TDRD9: variants seen among roughly 807,000 people sequenced by gnomAD.
The protein encoded by TDRD9 is ATP-dependent RNA helicase TDRD9.
Under a neutral mutation model 172.6 loss-of-function variants are expected in TDRD9, and 124 were observed. The observed-to-expected ratio is 0.72, with a 90% CI of 0.62 to 0.83. TDRD9 has a LOEUF of 0.83. Ranked by LOEUF, TDRD9 falls within the 40% of genes least tolerant of loss-of-function variation. The pLI is 0.00. For synonymous variants in TDRD9, 619 were observed against 617.1 expected (o/e 1.00, Z -0.05); for missense variants, 1,479 against 1,714.1 (o/e 0.86, Z 2.42).
intron 34 of TDRD9, among the ~76,000 whole-genome samples, chr14:104,044,563 A>C (rs1054799273): frequency 6.6e-6 from 1 of 152,202 alleles, no homozygotes; most frequent in Non-Finnish European, 1.5e-5. Context: ...ATCACATTTT[A>C]ATTTTAAAAT....
At chr14:104,035,547 GT>G (rs1341794394) in intron 32 of TDRD9, among the ~76,000 whole-genome samples, 3 of 152,246 alleles carry the variant, frequency 2.0e-5, no homozygotes, top group African/African-American at 7.2e-5. Context: ...ATAGAGAGGA[GT>G]GTGTGATGCC....
chr14:103,992,591 C>T (rs554960874), intron 9 of TDRD9, among the ~76,000 whole-genome samples: 21 of 152,168 alleles, frequency 1.4e-4, no homozygotes, highest in African/African-American at 5.1e-4. Context: ...ACAGTGCTCA[C>T]GCCTGGAATC....
At chr14:103,989,709 G>A (rs928362660) in intron 8 of TDRD9, among the ~76,000 whole-genome samples, 7 of 152,202 alleles carry the variant, frequency 4.6e-5, no homozygotes, top group African/African-American at 1.7e-4. Context: ...TGTGTGGTTG[G>A]CATCCAGCAG....
intron 20 of TDRD9, among the ~76,000 whole-genome samples, chr14:104,012,511 T>C (rs1042537929): frequency 7.1e-6 from 1 of 139,912 alleles, no homozygotes; most frequent in African/African-American, 2.5e-5. Context: ...TTCTAAATCA[T>C]TGCTTTTTTT....
chr14:103,987,661 A>T (rs1004581035), intron 8 of TDRD9, among the ~76,000 whole-genome samples: 1 of 152,174 alleles, frequency 6.6e-6, no homozygotes, highest in African/African-American at 2.4e-5. Context: ...GGTTTGTTGC[A>T]TGCCTAGCAT....
intron 23 of TDRD9, 86 bp downstream of exon 23, chr14:104,018,278 GC>G: frequency 1.1e-6 from 1 of 886,140 alleles, no homozygotes; most frequent in Non-Finnish European, 1.7e-6. Context: ...AAAACGGAGT[GC>G]CCATGGAAAT....
intron 7 of TDRD9, among the ~76,000 whole-genome samples, chr14:103,976,406 T>G (rs939873577): frequency 6.6e-6 from 1 of 152,028 alleles, no homozygotes; most frequent in Non-Finnish European, 1.5e-5. Context: ...CCCAAATAGC[T>G]AGGACTACAG....
chr14:103,980,469 C>T lies in TDRD9; in HGVS notation c.1011+4916C>T, dbSNP rs186462990. On this transcript the variant is annotated intron_variant, in intron 7 of 35. Coordinates refer to ENST00000409874, the MANE Select transcript of TDRD9 (RefSeq NM_153046.3). This position sits in a 1 kb window ranked among gnomAD's most constrained non-coding sequence, Gnocchi z 4.5. ...TGCTATTATTTCTGCTTATCAGAGA[C>T]TTTTAGTACTTTCACTAACTTGCCA... Among the ~76,000 whole-genome samples, 2 of 152,242 alleles carry T rather than the reference C, an allele frequency of 1.3e-5. No individual in the cohort carries two copies. Among genetic ancestry groups the T allele is most frequent in the African/African-American group, 4.8e-5 (2 of 41,536 alleles).
chr14:103,955,725 C>G lies in TDRD9; in HGVS notation c.277C>G (p.Gln93Glu). 1 of 1,551,444 alleles carries G rather than the reference C, an allele frequency of 6.4e-7. No homozygotes were observed. Among genetic ancestry groups the G allele is most frequent in the East Asian group, 2.4e-5 (1 of 40,908 alleles). ...YINKYRQLEA[Q>E]ELDVCRSVQP... ...TAACAAATACAGACAGCTCGAAGCACAAGAGCTTGATGTGTGTCGCAGTGT... is the reference window on the plus strand; with the variant it reads ...TAACAAATACAGACAGCTCGAAGCAGAAGAGCTTGATGTGTGTCGCAGTGT... The change falls in exon 2 of 36, where the codon CAA becomes GAA. Residue 93 changes from glutamine to glutamate, a missense_variant. Gln to Glu is a conservative substitution (Grantham distance 29). Coordinates refer to ENST00000409874, the MANE Select transcript of TDRD9 (RefSeq NM_153046.3).
At chr14:104,003,595 C>T (rs78035796) in intron 13 of TDRD9, among the ~76,000 whole-genome samples, 2 of 152,192 alleles carry the variant, frequency 1.3e-5, no homozygotes, top group African/African-American at 4.8e-5. Flanking sequence ...CCTACCCCTC[C>T]CTTCACTCTC....
chr14:104,034,719 C>T (rs185450108), intron 31 of TDRD9, among the ~76,000 whole-genome samples: 80 of 152,244 alleles, frequency 5.3e-4, no homozygotes, highest in African/African-American at 1.9e-3. Context: ...AAAGAGTAAC[C>T]AAATAGGAGT....
Position 103,998,620 on chromosome 14 carries a change from G to T in TDRD9, c.1379-4G>T. ...TGTTTACAGTCCTTTTTTTTAAATGGCAGTTATAGATTTTTGTTTGACTAG... is the reference window on the plus strand; with the variant it reads ...TGTTTACAGTCCTTTTTTTTAAATGTCAGTTATAGATTTTTGTTTGACTAG... On this transcript the variant is annotated splice_region_variant and splice_polypyrimidine_tract_variant and intron_variant, in intron 12 of 35. Coordinates refer to ENST00000409874, the MANE Select transcript of TDRD9 (RefSeq NM_153046.3). 6.6e-7 allele frequency: 1 copy of T among 1,514,126 alleles called. No homozygotes were observed. Among genetic ancestry groups the T allele is most frequent in the Non-Finnish European group, 9.1e-7 (1 of 1,093,280 alleles). The allele number at this position is 1,514,126 out of a possible 1,614,324, so 93.8% of individuals were successfully genotyped here.
chr14:103,933,801 C>T (rs772321106), intron 1 of TDRD9, among the ~76,000 whole-genome samples: 7 of 152,168 alleles, frequency 4.6e-5, no homozygotes, highest in Admixed American at 2.6e-4. Flanking sequence ...GGAAATGAGC[C>T]GTCTCGGCCC....
At chr14:104,033,420 C>G (rs1266663109) in intron 30 of TDRD9, among the ~76,000 whole-genome samples, 1 of 152,212 alleles carries the variant, frequency 6.6e-6, no homozygotes, top group Non-Finnish European at 1.5e-5. Context: ...AACTGAGTCC[C>G]TGGCAGGAGA....
intron 6 of TDRD9, among the ~76,000 whole-genome samples, chr14:103,970,976 G>C (rs145485879): frequency 7.2e-5 from 11 of 152,194 alleles, no homozygotes; most frequent in African/African-American, 2.2e-4. Context: ...TCTGGATACA[G>C]AGGGCTGACT....
Position 103,997,504 on chromosome 14 carries a change from G to A in TDRD9, c.1379-1120G>A, listed in dbSNP as rs79847334. Among the ~76,000 whole-genome samples the A allele has an allele frequency of 1.7e-3, 253 of 152,338 alleles. No individual in the cohort carries two copies. Among genetic ancestry groups the A allele is most frequent in the African/African-American group, 5.3e-3 (219 of 41,582 alleles). Reference sequence around the variant, plus strand: ...GAGGAGCTGGGATTCGGGCTGAGACGTGCTAGATGTTCAGGTGGAGGTGTC... The same window carrying A: ...GAGGAGCTGGGATTCGGGCTGAGACATGCTAGATGTTCAGGTGGAGGTGTC... On this transcript the variant is annotated intron_variant, in intron 12 of 35. Coordinates refer to ENST00000409874, the MANE Select transcript of TDRD9 (RefSeq NM_153046.3). The surrounding 1 kb of genome is among the most constrained non-coding windows in gnomAD (Gnocchi z 5.1).
intron 2 of TDRD9, among the ~76,000 whole-genome samples, chr14:103,961,705 C>T (rs565762026): frequency 6.6e-5 from 10 of 152,140 alleles, no homozygotes; most frequent in Admixed American, 5.2e-4. Flanking sequence ...TATGACAGAT[C>T]TGGTTCCTCT....
rs143887199 is a variant in TDRD9, at chr14:103,997,497, C to T, written c.1379-1127C>T. Among the ~76,000 whole-genome samples, 4 of 152,290 alleles carry T rather than the reference C, an allele frequency of 2.6e-5. No individual in the cohort carries two copies. Among genetic ancestry groups the T allele is most frequent in the African/African-American group, 9.6e-5 (4 of 41,564 alleles). ...GGCAGGTGAGGAGCTGGGATTCGGG[C>T]TGAGACGTGCTAGATGTTCAGGTGG... On this transcript the variant is annotated intron_variant, in intron 12 of 35. Coordinates refer to ENST00000409874, the MANE Select transcript of TDRD9 (RefSeq NM_153046.3). The surrounding 1 kb of genome is among the most constrained non-coding windows in gnomAD (Gnocchi z 5.1).
chr14:104,049,375 T>C (rs1566809525), intron 34 of TDRD9: 7 of 314,114 alleles, frequency 2.2e-5, no homozygotes, highest in Middle Eastern at 9.7e-4. Context: ...TAAGGGAACA[T>C]AGAGACAAGA....
Sources: gnomAD v4.1 joint callset for allele counts (sites outside exome capture counted in the v4.1 genomes callset) on GRCh38, gnomAD v4.1.1 for gene constraint, Gnocchi (gnomAD v3.1) non-coding constraint, MANE v1.5 for transcripts, NCBI Gene and HGNC (gene_info 2026-07-23, HGNC 2026-07-21) for gene names.